Variants in ICE1 observed in about 807,000 individuals in gnomAD.
The protein encoded by ICE1 is little elongation complex subunit 1.
A neutral mutation model predicts 192.7 loss-of-function variants in ICE1; 64 were observed. That is an observed-to-expected ratio of 0.33 (90% CI 0.27 to 0.41). ICE1 has a LOEUF of 0.41. Among genes scored for constraint, ICE1 ranks in the 10% least tolerant of loss-of-function variants. The pLI is 1.00. For synonymous variants in ICE1, 1,010 were observed against 984.5 expected (o/e 1.03, Z -0.49); for missense variants, 2,708 against 2,696.0 (o/e 1.00, Z -0.10).
chr5:5,422,834 C>G lies in ICE1; in HGVS notation c.-82C>G, dbSNP rs1737346976. On this transcript the variant is annotated 5_prime_UTR_variant, in exon 1 of 19. Coordinates refer to ENST00000296564, the MANE Select transcript of ICE1 (RefSeq NM_015325.3). ...GAAGCGGCCTGGCAGGCGGCGGCCC[C>G]GGCGGCATCAGCAGAGACAGGACGG... The G allele has an allele frequency of 3.8e-6, 4 of 1,063,588 alleles. No homozygotes were observed. Among genetic ancestry groups the G allele is most frequent in the South Asian group, 4.1e-5 (1 of 24,124 alleles). 65.9% of individuals were successfully genotyped at this position (1,063,588 alleles called of 1,614,324 possible).
At position 5,466,392 on chromosome 5, in the gene ICE1, C is replaced by T; in HGVS notation, c.5951C>T (p.Ser1984Phe). The change falls in exon 14 of 19, where the codon TCT becomes TTT. Residue 1984 changes from serine (S) to phenylalanine (F), a missense_variant. Around this residue, in one of 2 missense-constraint regions of ICE1, gnomAD observed 342 missense variants for 419.3 expected, o/e 0.82. Coordinates refer to ENST00000296564, the MANE Select transcript of ICE1 (RefSeq NM_015325.3). ...ILSELKIQKI[S>F]MDHNYIHALC... ...TCAGAACTAAAAATTCAGAAGATAT[C>T]TATGGACCACAATTACATTCACGCC... The T allele has an allele frequency of 6.2e-7, 1 of 1,613,346 alleles. No individual in the cohort carries two copies. The highest frequency in any genetic ancestry group is 1.3e-5 in the African/African-American group (1 of 74,962).
chr5:5,464,973 T>G lies in ICE1; in HGVS notation c.5639T>G (p.Val1880Gly). 1 of 1,613,788 alleles carries G rather than the reference T, an allele frequency of 6.2e-7. No homozygotes were observed. Among genetic ancestry groups the G allele is most frequent in the Non-Finnish European group, 8.5e-7 (1 of 1,179,792 alleles). Residue 1880 changes from valine to glycine, a missense_variant, in exon 13 of 19, where the codon GTT (valine) becomes GGT (glycine). Transcript: ENST00000296564. This position sits in a 1 kb window ranked among gnomAD's most constrained non-coding sequence, Gnocchi z 4.0. ...CCAGGGAACCTCCCTCCAGCTGAAG[T>G]TGCAACAACAAATGAGGAAAGAAGT... The part of the protein sequence containing the change: ...NLPGNLPPAE[V>G]ATTNEERSCS...
chr5:5,463,856 A>T lies in ICE1; in HGVS notation c.4522A>T (p.Ser1508Cys). Residue 1508 changes from serine (S) to cysteine (C), a missense_variant, in exon 13 of 19, where the codon AGT (serine) becomes TGT (cysteine). This residue lies in a region of ICE1 where 2,366 missense variants were observed against 2,276.6 expected (regional missense o/e 1.04). Coordinates refer to ENST00000296564, the MANE Select transcript of ICE1 (RefSeq NM_015325.3). ...TGGTCAGAGCACCAACTTTGATAAG[A>T]GTCGTTTGCGAAATAGACCCGTTAA... The part of the protein sequence containing the change: ...SSGQSTNFDK[S>C]RLRNRPVKPS... 1.2e-6 allele frequency: 2 copies of T among 1,613,962 alleles called. No homozygotes were observed. The highest frequency in any genetic ancestry group is 1.7e-6 in the Non-Finnish European group (2 of 1,179,866).
At position 5,464,444 on chromosome 5, in the gene ICE1, T is replaced by C; in HGVS notation, c.5110T>C (p.Ser1704Pro). 1 of 1,613,908 alleles carries C rather than the reference T, an allele frequency of 6.2e-7. No individual in the cohort carries two copies. The highest frequency in any genetic ancestry group is 1.1e-5 in the South Asian group (1 of 91,062). ...TCCTTCTCCATCTCCATCTGCAGCT[T>C]CAGCCAGTGAGAGGGTAGTGCCGTC... ...PDPSPSPSAA[S>P]ASERVVPSPL... Residue 1704 changes from serine to proline, a missense_variant, in exon 13 of 19, where the codon TCA (serine) becomes CCA (proline). Coordinates refer to ENST00000296564, the MANE Select transcript of ICE1 (RefSeq NM_015325.3). This position sits in a 1 kb window ranked among gnomAD's most constrained non-coding sequence, Gnocchi z 4.0.
At chr5:5,445,317 A>G (rs1409023252) in intron 7 of ICE1, among the ~76,000 whole-genome samples, 1 of 152,240 alleles carries the variant, frequency 6.6e-6, no homozygotes, top group Non-Finnish European at 1.5e-5. Context: ...ACAATATGGC[A>G]GTAAGAATGA....
intron 18 of ICE1, among the ~76,000 whole-genome samples, chr5:5,487,731 T>G (rs1317387521): frequency 6.6e-6 from 1 of 152,218 alleles, no homozygotes; most frequent in Admixed American, 6.5e-5. Flanking sequence ...CAGATGCAGT[T>G]TACTCTGATA....
Position 5,463,816 on chromosome 5 carries a change from G to C in ICE1, c.4482G>C (p.Glu1494Asp). The C allele has an allele frequency of 6.2e-7, 1 of 1,613,994 alleles. No homozygotes were observed. Among genetic ancestry groups the C allele is most frequent in the Non-Finnish European group, 8.5e-7 (1 of 1,179,880 alleles). Residue 1494 changes from glutamate (E) to aspartate (D), a missense_variant, in exon 13 of 19, where the codon GAG becomes GAC. Physicochemically the swap from Glu to Asp is conservative, Grantham distance 45 (BLOSUM62 2). Around this residue, in one of 2 missense-constraint regions of ICE1, gnomAD observed 2,366 missense variants for 2,276.6 expected, o/e 1.04. Transcript: ENST00000296564. ...GCAATAATCTTTCATGTCCCCAAGA[G>C]GATGTTTCAAGCAGTGGTCAGAGCA... ...PCGNNLSCPQ[E>D]DVSSSGQSTN...
intron 17 of ICE1, among the ~76,000 whole-genome samples, chr5:5,484,525 A>G (rs1739586789): frequency 6.6e-6 from 1 of 152,198 alleles, no homozygotes; most frequent in African/African-American, 2.4e-5. Context: ...GTGACCTGAA[A>G]TTTCTGATTT....
chr5:5,436,162 T>C (rs1737867774), intron 1 of ICE1, among the ~76,000 whole-genome samples: 1 of 152,198 alleles, frequency 6.6e-6, no homozygotes, highest in East Asian at 1.9e-4. Context: ...TATTGAGCTC[T>C]GTGGCTAATT....
intron 10 of ICE1, 138 bp from the exon 11 acceptor site, chr5:5,454,414 G>T: frequency 1.7e-6 from 1 of 598,762 alleles, no homozygotes; most frequent in Non-Finnish European, 3.0e-6. Context: ...ACTGTATTGT[G>T]CACAATGGTT....
At chr5:5,470,913 G>A (rs932328836) in intron 15 of ICE1, among the ~76,000 whole-genome samples, 1 of 150,952 alleles carries the variant, frequency 6.6e-6, no homozygotes, top group Non-Finnish European at 1.5e-5. Context: ...TAGCTTTTTT[G>A]GAAAACATGT....
In ICE1 at chr5:5,462,475, A is replaced by G; in HGVS notation, c.3141A>G (p.Gly1047=). 1.2e-6 allele frequency: 2 copies of G among 1,613,978 alleles called. No homozygotes were observed. The highest frequency in any genetic ancestry group is 8.5e-7 in the Non-Finnish European group (1 of 1,179,892). ...CCAGCACACCACAAAATGCTAATGGACTTTGGAAATTGAAATCTACAACTC... is the reference window on the plus strand; with the variant it reads ...CCAGCACACCACAAAATGCTAATGGGCTTTGGAAATTGAAATCTACAACTC... ...DSTSTPQNAN[G]LWKLKSTTPG... The change falls in exon 13 of 19, where the codon GGA becomes GGG. Residue 1047 remains glycine (G), a synonymous_variant. Coordinates refer to ENST00000296564, the MANE Select transcript of ICE1 (RefSeq NM_015325.3).
At chr5:5,427,349 G>T (rs895884838) in intron 1 of ICE1, among the ~76,000 whole-genome samples, 5 of 152,194 alleles carry the variant, frequency 3.3e-5, no homozygotes, top group Non-Finnish European at 7.3e-5. Flanking sequence ...TATGTATTAT[G>T]TATGGTTAAG....
At position 5,460,757 on chromosome 5, in the gene ICE1, A is replaced by G. The variant is rs757767521; in HGVS notation, c.1423A>G (p.Lys475Glu). 3.1e-6 allele frequency: 5 copies of G among 1,614,026 alleles called. No individual in the cohort carries two copies. In the Admixed American group the frequency reaches 6.7e-5, roughly 22 times the overall value. The change falls in exon 13 of 19, where the codon AAA becomes GAA. Residue 475 changes from lysine to glutamate, a missense_variant. By Grantham distance (56) the Lys-to-Glu change is moderately conservative. This residue lies in a region of ICE1 where 2,366 missense variants were observed against 2,276.6 expected (regional missense o/e 1.04). Transcript: ENST00000296564. ...AGCATCTCGATCCATGAGTGATAGAAAAAGAGACATTTTACATGAGACAAA... is the reference window on the plus strand; with the variant it reads ...AGCATCTCGATCCATGAGTGATAGAGAAAGAGACATTTTACATGAGACAAA... ...TTASRSMSDR[K>E]RDILHETKTQ...
rs1282960020 is a variant in ICE1 at position 5,473,567 on chromosome 5, G to A, written c.6232G>A (p.Val2078Ile). The A allele has an allele frequency of 5.0e-6, 8 of 1,609,214 alleles. No individual in the cohort carries two copies. Among genetic ancestry groups the A allele is most frequent in the South Asian group, 1.1e-5 (1 of 89,604 alleles). Residue 2078 changes from valine to isoleucine, a missense_variant, in exon 16 of 19, where the codon GTA becomes ATA. This residue lies in a region of ICE1 where 342 missense variants were observed against 419.3 expected (regional missense o/e 0.82). Transcript: ENST00000296564. ...AFLNWEKNAPVDVGFMVSKLL... is the reference protein window; with the variant it reads ...AFLNWEKNAPIDVGFMVSKLL... ...TCTTTTCATTTGCTAGAATGCCCCG[G>A]TAGATGTTGGCTTCATGGTTTCTAA...
chr5:5,466,211 C>T (rs1463783026), intron 13 of ICE1, 123 bp from the exon 14 acceptor site: 1 of 799,698 alleles, frequency 1.3e-6, no homozygotes, highest in Non-Finnish European at 1.9e-6. Context: ...GCTCTACCTT[C>T]TGATGTAGCG....
At chr5:5,435,325 AC>A (rs1285082746) in intron 1 of ICE1, among the ~76,000 whole-genome samples, 1 of 151,996 alleles carries the variant, frequency 6.6e-6, no homozygotes, top group African/African-American at 2.4e-5. Flanking sequence ...GAAAAGGCAG[AC>A]ATTATCATAA....
intron 1 of ICE1, among the ~76,000 whole-genome samples, chr5:5,431,667 T>G (rs1483288901): frequency 6.6e-6 from 1 of 152,248 alleles, no homozygotes. Flanking sequence ...TATCACTTGA[T>G]GCCTTTTATT....
chr5:5,452,109 C>G (rs1738437452), intron 10 of ICE1, among the ~76,000 whole-genome samples: 1 of 148,848 alleles, frequency 6.7e-6, no homozygotes, highest in Non-Finnish European at 1.5e-5. Flanking sequence ...GTGAAACATT[C>G]AAAGTATAGT....
Sources: gnomAD v4.1 joint callset for allele counts (sites outside exome capture counted in the v4.1 genomes callset) on GRCh38, gnomAD v4.1.1 for gene constraint, gnomAD v4.1.1 regional missense constraint, Gnocchi (gnomAD v3.1) non-coding constraint, MANE v1.5 for transcripts, NCBI Gene and HGNC (gene_info 2026-07-23, HGNC 2026-07-21) for gene names.